Variants in RGS6 observed in about 807,000 individuals in gnomAD.
RGS6 encodes regulator of G-protein signaling 6.
Under a neutral mutation model 78.5 loss-of-function variants are expected in RGS6, and 30 were observed. That is an observed-to-expected ratio of 0.38 (90% CI 0.29 to 0.52). The LOEUF (loss-of-function observed/expected upper bound fraction) is 0.52, where lower values mean the gene tolerates loss of function less well. Ranked by LOEUF, RGS6 falls within the 20% of genes least tolerant of loss-of-function variation. RGS6 has a pLI of 0.85. For synonymous variants in RGS6, 206 were observed against 206.0 expected, an observed-to-expected ratio of 1.00 and a Z score of 0.00; for missense variants, 495 against 609.7, an observed-to-expected ratio of 0.81 and a Z score of 1.98.
upstream of RGS6, among the ~76,000 whole-genome samples, chr14:71,928,664 G>A (rs995583055): frequency 6.6e-6 from 1 of 152,124 alleles, no homozygotes; most frequent in Non-Finnish European, 1.5e-5. Context: ...ACATTTTCCT[G>A]CAACTCCTCA....
chr14:72,576,995 A>T, the RGS6 span, among the ~76,000 whole-genome samples: 2 of 152,194 alleles, frequency 1.3e-5, no homozygotes, highest in Non-Finnish European at 2.9e-5. Flanking sequence ...CTGGAACATC[A>T]GTGCAATCTG....
intron 2 of RGS6, among the ~76,000 whole-genome samples, chr14:72,164,194 C>G (rs988177298): frequency 6.6e-6 from 1 of 152,102 alleles, no homozygotes; most frequent in African/African-American, 2.4e-5. Flanking sequence ...TTCTTTTATG[C>G]AAAGGGATTT....
At chr14:72,567,855 CT>C (rs1295298283), downstream of RGS6, among the ~76,000 whole-genome samples, 5 of 152,238 alleles carry the variant, frequency 3.3e-5, no homozygotes, top group African/African-American at 1.2e-4. Context: ...ATATGAACCC[CT>C]GACCCCCGTC....
intron 2 of RGS6, among the ~76,000 whole-genome samples, chr14:72,303,291 A>G (rs1246340804): frequency 6.6e-6 from 1 of 152,226 alleles, no homozygotes; most frequent in Non-Finnish European, 1.5e-5. Context: ...ACCTGAGGTC[A>G]GGAGTTCAAG....
rs74442788 is a variant in RGS6, at chr14:72,531,958, T to C, written c.1279-4228T>C. Among the ~76,000 whole-genome samples, 1,404 of 152,352 alleles carry C rather than the reference T, an allele frequency of 9.2e-3. 26 individuals are homozygous for C. Among genetic ancestry groups the C allele is most frequent in the African/African-American group, 0.031 (1,297 of 41,584 alleles). On this transcript the variant is annotated intron_variant, in intron 15 of 17. Transcript: ENST00000553525. ...TTGACCAATGTCTTCCCAGTCCTTC[T>C]CACTCCCCACAGCCCCTGGTAGAAT...
At chr14:72,595,133 T>C in the RGS6 span, 1 of 152,178 alleles carries the variant, frequency 6.6e-6, no homozygotes. Flanking sequence ...TCATTATAGA[T>C]GAACTAAGAT....
intron 2 of RGS6, among the ~76,000 whole-genome samples, chr14:72,293,584 C>T (rs1464371542): frequency 6.6e-6 from 1 of 152,002 alleles, no homozygotes; most frequent in African/African-American, 2.4e-5. Flanking sequence ...TCCATAGGAT[C>T]CATATATTCT....
At chr14:72,081,075 A>T (rs1334000440) in intron 2 of RGS6, among the ~76,000 whole-genome samples, 1 of 152,008 alleles carries the variant, frequency 6.6e-6, no homozygotes, top group Non-Finnish European at 1.5e-5. Flanking sequence ...ATTTTGATAA[A>T]GACTTTGAAT....
In RGS6 at chr14:72,182,540, A is replaced by G. The variant is rs1015032288; in HGVS notation, c.85-169555A>G. Among the ~76,000 whole-genome samples the G allele has an allele frequency of 5.9e-5, 9 of 152,204 alleles. No individual in the cohort carries two copies. The South Asian group carries it at 6.2e-4, about 11-fold the overall frequency. ...TCCTTGCACTCCGTAGTGCAACCCA[A>G]TAGCACCATGGCTTTTTAATTCCCT... is the stretch of plus-strand genomic sequence containing the variant. On this transcript the variant is annotated intron_variant, in intron 2 of 17. Coordinates refer to ENST00000553525, the MANE Select transcript of RGS6 (RefSeq NM_001204424.2).
chr14:72,191,836 T>C (rs2097330020), intron 2 of RGS6, among the ~76,000 whole-genome samples: 1 of 152,210 alleles, frequency 6.6e-6, no homozygotes, highest in Non-Finnish European at 1.5e-5. Context: ...ATATGGGTTG[T>C]CCCCTTTCTT....
intron 2 of RGS6, among the ~76,000 whole-genome samples, chr14:72,221,214 A>C (rs1189729652): frequency 6.6e-6 from 1 of 152,220 alleles, no homozygotes; most frequent in African/African-American, 2.4e-5. Flanking sequence ...ACATACCAAA[A>C]AATCACAAGA....
At chr14:72,295,239 C>T (rs990490917) in intron 2 of RGS6, among the ~76,000 whole-genome samples, 67 of 148,938 alleles carry the variant, frequency 4.5e-4, no homozygotes, top group African/African-American at 1.4e-3. Context: ...TGCAGTGAGC[C>T]GAGATCCCGC....
At chr14:72,110,673 A>T (rs369351932) in intron 2 of RGS6, among the ~76,000 whole-genome samples, 1 of 152,234 alleles carries the variant, frequency 6.6e-6, no homozygotes, top group Admixed American at 6.5e-5. Context: ...AAATTTTTAC[A>T]TGAAGTCTAT....
intron 3 of RGS6, among the ~76,000 whole-genome samples, chr14:72,415,330 T>C (rs1300085940): frequency 6.6e-6 from 1 of 152,232 alleles, no homozygotes; most frequent in Non-Finnish European, 1.5e-5. Flanking sequence ...GGCATAGGAC[T>C]CTCCAAGCCA....
the RGS6 span, among the ~76,000 whole-genome samples, chr14:71,872,494 C>T: frequency 2.0e-5 from 3 of 152,136 alleles, no homozygotes; most frequent in Non-Finnish European, 4.4e-5. Flanking sequence ...GGTCTCTTGT[C>T]ATCCCTTTCA....
chr14:72,161,690 C>T (rs2096855399), intron 2 of RGS6, among the ~76,000 whole-genome samples: 1 of 152,220 alleles, frequency 6.6e-6, no homozygotes, highest in African/African-American at 2.4e-5. Context: ...CCTCTTTCTA[C>T]AACCTTAGCA....
rs2096944471 is a variant in RGS6, at chr14:72,516,463, T to C, written c.1092-1888T>C. On this transcript the variant is annotated intron_variant, in intron 14 of 17. Coordinates refer to ENST00000553525, the MANE Select transcript of RGS6 (RefSeq NM_001204424.2). ...ACTCTGGATAAAGAAACACGACTGC[T>C]TTCCTCTCACCCAGAAGCCAGAAGG... Among the ~76,000 whole-genome samples, 3 of 152,296 alleles carry C rather than the reference T, an allele frequency of 2.0e-5. No individual in the cohort carries two copies. In the South Asian group the frequency reaches 6.2e-4, roughly 32 times the overall value.
rs146313735 is a variant in RGS6 at position 72,189,573 on chromosome 14, A to G, written c.85-162522A>G. 4.3e-3 allele frequency among the ~76,000 whole-genome samples: 657 copies of G among 152,216 alleles called. 4 individuals are homozygous for G. The highest frequency in any genetic ancestry group is 0.015 in the African/African-American group (617 of 41,546). On this transcript the variant is annotated intron_variant, in intron 2 of 17. Transcript: ENST00000553525. ...TCATTGAAATAAGAGGGCCTTGATC[A>G]TTGTGCAGTAAGTGATTTTTATTAA... is the stretch of plus-strand genomic sequence containing the variant.
At chr14:72,070,090 T>TA (rs2094349825) in intron 2 of RGS6, among the ~76,000 whole-genome samples, 1 of 152,142 alleles carries the variant, frequency 6.6e-6, no homozygotes, top group South Asian at 2.1e-4. Flanking sequence ...TTGTTTTTTG[T>TA]TAGTGTATCT....
Sources: allele counts gnomAD v4.1 joint callset (sites outside exome capture counted in the v4.1 genomes callset), GRCh38; gene constraint gnomAD v4.1.1; transcripts MANE v1.5; gene names NCBI Gene and HGNC (gene_info 2026-07-23, HGNC 2026-07-21).